SLC5A4: variants seen among roughly 807,000 people sequenced by gnomAD.
SLC5A4 encodes the protein solute carrier family 5 member 4.
In SLC5A4, 55 loss-of-function variants were observed where a neutral mutation model predicts 70.3. The ratio of observed to expected loss-of-function variants is 0.78; its 90% CI spans 0.63 to 0.98. SLC5A4 has a LOEUF of 0.98. Ranked by LOEUF, SLC5A4 falls within the 50% of genes least tolerant of loss-of-function variation. SLC5A4 has a pLI of 0.00. For synonymous variants in SLC5A4, 268 were observed against 305.7 expected (o/e 0.88, Z 1.29); for missense variants, 735 against 839.2 (o/e 0.88, Z 1.53).
At chr22:32,301,488 C>G in the SLC5A4 span, among the ~76,000 whole-genome samples, 22 of 152,210 alleles carry the variant, frequency 1.4e-4, no homozygotes, top group Admixed American at 1.4e-3. Context: ...AACCTGAAAA[C>G]TGCAAAACAT....
At chr22:32,224,209 T>G (rs112639783) in intron 13 of SLC5A4, 58 bp downstream of exon 13, 3 of 1,383,748 alleles carry the variant, frequency 2.2e-6, no homozygotes, top group Non-Finnish European at 3.1e-6. Context: ...CGTGAGCCAC[T>G]GCGCCCGGCC....
chr22:32,301,147 G>C, the SLC5A4 span, among the ~76,000 whole-genome samples: 2 of 152,148 alleles, frequency 1.3e-5, no homozygotes, highest in African/African-American at 2.4e-5. Flanking sequence ...ATTTTTAGTA[G>C]AGACGGGGTT....
rs1257268459 is a variant in SLC5A4, at chr22:32,239,752, C to T, written c.478-662G>A. ...AAAGTATGTACCAAACGGCCGGGTG[C>T]GGTGGCTCACACCTGGAATCCCAGC... On this transcript the variant is annotated intron_variant, in intron 5 of 14. Coordinates refer to ENST00000266086, the MANE Select transcript of SLC5A4 (RefSeq NM_014227.3). 2.2e-4 allele frequency among the ~76,000 whole-genome samples: 33 copies of T among 147,780 alleles called. 1 individual carries two copies. The South Asian group carries it at 6.0e-3, about 27-fold the overall frequency.
At chr22:32,293,093 T>C in the SLC5A4 span, among the ~76,000 whole-genome samples, 1 of 152,208 alleles carries the variant, frequency 6.6e-6, no homozygotes, top group Admixed American at 6.5e-5. Flanking sequence ...CACCAGTTTT[T>C]CTGTTTATTG....
the SLC5A4 span, among the ~76,000 whole-genome samples, chr22:32,263,684 C>T: frequency 6.6e-6 from 1 of 152,168 alleles, no homozygotes; most frequent in South Asian, 2.1e-4. Flanking sequence ...TTTGACCCAG[C>T]AATCCCATTA....
the SLC5A4 span, among the ~76,000 whole-genome samples, chr22:32,296,838 A>G: frequency 1.6e-5 from 1 of 60,618 alleles, no homozygotes; most frequent in African/African-American, 6.7e-5. Flanking sequence ...ATCAATACCT[A>G]ATTTATTGAG....
intron 4 of SLC5A4, among the ~76,000 whole-genome samples, chr22:32,248,210 C>T (rs894686976): frequency 6.6e-6 from 1 of 152,226 alleles, no homozygotes; most frequent in Non-Finnish European, 1.5e-5. Context: ...GAATGCCTGA[C>T]AGATTTACCC....
the SLC5A4 span, among the ~76,000 whole-genome samples, chr22:32,282,356 A>G: frequency 0.36 from 54,594 of 151,536 alleles, 9,877 homozygotes; most frequent in East Asian, 0.42. Context: ...TCTGCTGGCT[A>G]GTCTCTCTCT....
At chr22:32,270,481 C>T in the SLC5A4 span, 7 of 815,790 alleles carry the variant, frequency 8.6e-6, no homozygotes, top group Non-Finnish European at 1.3e-5. Context: ...GGAGCAGGAA[C>T]CCAGCACCCC....
the SLC5A4 span, among the ~76,000 whole-genome samples, chr22:32,288,793 G>T: frequency 1.3e-5 from 2 of 152,198 alleles, no homozygotes; most frequent in South Asian, 4.1e-4. Context: ...TGATCCGACC[G>T]CCTCAGCCTC....
the SLC5A4 span, among the ~76,000 whole-genome samples, chr22:32,326,681 G>A: frequency 6.6e-6 from 1 of 152,178 alleles, no homozygotes; most frequent in African/African-American, 2.4e-5. Flanking sequence ...GGGCAAGATG[G>A]CCATCCCAAG....
chr22:32,320,725 A>G, the SLC5A4 span, among the ~76,000 whole-genome samples: 1 of 117,684 alleles, frequency 8.5e-6, no homozygotes, highest in Non-Finnish European at 1.8e-5. Context: ...TAAACCTAAA[A>G]CTGCTTTAAA....
At chr22:32,223,877 G>T (rs1246006385) in intron 13 of SLC5A4, among the ~76,000 whole-genome samples, 1 of 152,098 alleles carries the variant, frequency 6.6e-6, no homozygotes, top group East Asian at 1.9e-4. Flanking sequence ...GAGGTACAAT[G>T]AATACATTTC....
At chr22:32,310,943 C>T in the SLC5A4 span, among the ~76,000 whole-genome samples, 1 of 152,224 alleles carries the variant, frequency 6.6e-6, no homozygotes, top group Non-Finnish European at 1.5e-5. Context: ...CCCTCTGGGT[C>T]CCAGCCACCT....
chr22:32,332,358 T>C, the SLC5A4 span, among the ~76,000 whole-genome samples: 11 of 152,214 alleles, frequency 7.2e-5, no homozygotes, highest in Non-Finnish European at 1.5e-4. Flanking sequence ...TGTGCGGCTG[T>C]CTCTGCCTCA....
At chr22:32,292,424 T>C in the SLC5A4 span, among the ~76,000 whole-genome samples, 1 of 149,404 alleles carries the variant, frequency 6.7e-6, no homozygotes, top group African/African-American at 2.5e-5. Context: ...TGTATGTGTG[T>C]GTGTGTATAT....
the SLC5A4 span, chr22:32,269,675 G>T: frequency 1.7e-6 from 1 of 595,828 alleles, no homozygotes; most frequent in Non-Finnish European, 3.3e-6. The surrounding 1 kb of genome is among the most constrained non-coding windows in gnomAD (Gnocchi z 4.1). Context: ...TGTTATACCT[G>T]AACCAGAGCA....
At chr22:32,306,232 G>A in the SLC5A4 span, among the ~76,000 whole-genome samples, 13 of 152,262 alleles carry the variant, frequency 8.5e-5, no homozygotes, top group South Asian at 2.1e-4. Context: ...TTGGGAGGCC[G>A]AGGCAGGCAG....
At chr22:32,333,093 G>A in the SLC5A4 span, among the ~76,000 whole-genome samples, 71 of 152,242 alleles carry the variant, frequency 4.7e-4, no homozygotes, top group African/African-American at 1.6e-3. Flanking sequence ...AAGTGAGGCC[G>A]AGGAGGGACG....
Sources: gnomAD v4.1 joint callset for allele counts (sites outside exome capture counted in the v4.1 genomes callset) on GRCh38, gnomAD v4.1.1 for gene constraint, Gnocchi (gnomAD v3.1) non-coding constraint, MANE v1.5 for transcripts, NCBI Gene and HGNC (gene_info 2026-07-23, HGNC 2026-07-21) for gene names.